Variants in PIK3CG observed in about 807,000 individuals in gnomAD.
PIK3CG encodes phosphatidylinositol 4,5-bisphosphate 3-kinase catalytic subunit gamma isoform.
In PIK3CG, 55 loss-of-function variants were observed where a neutral mutation model predicts 102.3. The ratio of observed to expected loss-of-function variants is 0.54; its 90% CI spans 0.43 to 0.67. The LOEUF (loss-of-function observed/expected upper bound fraction) is 0.67, where lower values mean the gene tolerates loss of function less well. Ranked by LOEUF, PIK3CG falls within the 30% of genes least tolerant of loss-of-function variation. The probability of loss-of-function intolerance (pLI) is 0.00; values close to 1 mark genes in which losing one functional copy is unlikely to be tolerated. For synonymous variants in PIK3CG, 552 were observed against 540.0 expected, an observed-to-expected ratio of 1.02 and a Z score of -0.31; for missense variants, 1,258 against 1,391.8, an observed-to-expected ratio of 0.90 and a Z score of 1.53.
At position 106,868,312 on chromosome 7, in the gene PIK3CG, A is replaced by G. The variant is rs2116436739; in HGVS notation, c.751A>G (p.Lys251Glu). Residue 251 changes from lysine (K) to glutamate (E), a missense_variant, in exon 2 of 11, where the codon AAG becomes GAG. By Grantham distance (56) the Lys-to-Glu change is moderately conservative. This residue lies in a region of PIK3CG where 832 missense variants were observed against 787.5 expected (regional missense o/e 1.06). Transcript: ENST00000496166. This position sits in a 1 kb window ranked among gnomAD's most constrained non-coding sequence, Gnocchi z 6.2. ...PGAILQSFFTKMAKKKSLMDI... is the reference protein window; with the variant it reads ...PGAILQSFFTEMAKKKSLMDI... ...CGCCATCCTGCAGAGCTTCTTCACC[A>G]AGATGGCCAAGAAGAAATCTCTGAT... 1 of 1,614,198 alleles carries G rather than the reference A, an allele frequency of 6.2e-7. No individual in the cohort carries two copies. The highest frequency in any genetic ancestry group is 8.5e-7 in the Non-Finnish European group (1 of 1,180,030).
In PIK3CG at chr7:106,869,285, T is replaced by G; in HGVS notation, c.1724T>G (p.Leu575Arg). 6.2e-7 allele frequency: 1 copy of G among 1,614,204 alleles called. No individual in the cohort carries two copies. The change falls in exon 2 of 11, where the codon CTC becomes CGC. Residue 575 changes from leucine (L) to arginine (R), a missense_variant. Leu to Arg is a moderately radical substitution (Grantham distance 102, BLOSUM62 -2). Transcript: ENST00000496166. The surrounding 1 kb of genome is among the most constrained non-coding windows in gnomAD (Gnocchi z 5.3). ...CTCACAGCAGAGGACAAAGAATTGC[T>G]CTGGCATTTTAGATACGAAAGCCTT... ...NPLTAEDKELLWHFRYESLKH... is the reference protein window; with the variant it reads ...NPLTAEDKELRWHFRYESLKH...
rs1237720802 is a variant in PIK3CG at position 106,867,386 on chromosome 7, C to T, written c.-12-164C>T. Among the ~76,000 whole-genome samples, 1 of 152,152 alleles carries T rather than the reference C, an allele frequency of 6.6e-6. No individual in the cohort carries two copies. Among genetic ancestry groups the T allele is most frequent in the East Asian group, 1.9e-4 (1 of 5,188 alleles). Reference sequence around the variant, plus strand: ...AGGACTCACCGGCCCGACTCCAAAGCCCACGCTCTGAAGGGCTGTAGTGCT... The same window carrying T: ...AGGACTCACCGGCCCGACTCCAAAGTCCACGCTCTGAAGGGCTGTAGTGCT... On this transcript the variant is annotated intron_variant, in intron 1 of 10. Coordinates refer to ENST00000496166, the MANE Select transcript of PIK3CG (RefSeq NM_001282426.2). The surrounding 1 kb of genome is among the most constrained non-coding windows in gnomAD (Gnocchi z 5.1).
At position 106,883,979 on chromosome 7, in the gene PIK3CG, T is replaced by C. The variant is rs187775534; in HGVS notation, c.2761-176T>C. Among the ~76,000 whole-genome samples the C allele has an allele frequency of 4.6e-5, 7 of 152,324 alleles. No homozygotes were observed. The highest frequency in any genetic ancestry group is 1.7e-4 in the African/African-American group (7 of 41,580). ...ATTCACTGAATCTTCACCTAAAATATAAGCAGAGCAATGAGAAAGTTGGCA... is the reference window on the plus strand; with the variant it reads ...ATTCACTGAATCTTCACCTAAAATACAAGCAGAGCAATGAGAAAGTTGGCA... On this transcript the variant is annotated intron_variant, in intron 8 of 10. Transcript: ENST00000496166. This position sits in a 1 kb window ranked among gnomAD's most constrained non-coding sequence, Gnocchi z 5.8.
chr7:106,890,724 A>G lies in PIK3CG; in HGVS notation c.3030+4432A>G, dbSNP rs1791244326. The stretch of plus-strand genomic sequence containing the variant: ...AGTAAGGCTGATTAACATCCATGAG[A>G]TGGTAGTTTGTCATTCTGAATAAAA... On this transcript the variant is annotated intron_variant, in intron 10 of 10. Transcript: ENST00000496166. The surrounding 1 kb of genome is among the most constrained non-coding windows in gnomAD (Gnocchi z 4.2). 6.6e-6 allele frequency among the ~76,000 whole-genome samples: 1 copy of G among 152,342 alleles called. No homozygotes were observed. The highest frequency in any genetic ancestry group is 2.1e-4 in the South Asian group (1 of 4,830).
Position 106,902,961 on chromosome 7 carries a change from G to A in PIK3CG, c.3031-2148G>A, listed in dbSNP as rs1791599890. On this transcript the variant is annotated intron_variant, in intron 10 of 10. Transcript: ENST00000496166. This position sits in a 1 kb window ranked among gnomAD's most constrained non-coding sequence, Gnocchi z 4.3. ...TCCCTTTTTAAATTTAATTCATCTG[G>A]AATTTATTTTTGGTATATCACATGG... is the stretch of plus-strand genomic sequence containing the variant. Among the ~76,000 whole-genome samples the A allele has an allele frequency of 6.6e-6, 1 of 151,682 alleles. No individual in the cohort carries two copies.
rs771794277 is a variant in PIK3CG at position 106,867,780 on chromosome 7, G to A, written c.219G>A (p.Gln73=). ...GHGNVEQMKA[Q]VWLRALETSV... The stretch of plus-strand genomic sequence containing the variant: ...GCAACGTGGAGCAGATGAAGGCCCA[G>A]GTGTGGCTGCGAGCGCTGGAGACCA... The change falls in exon 2 of 11, where the codon CAG becomes CAA. Residue 73 remains glutamine, a synonymous_variant. Coordinates refer to ENST00000496166, the MANE Select transcript of PIK3CG (RefSeq NM_001282426.2). This position sits in a 1 kb window ranked among gnomAD's most constrained non-coding sequence, Gnocchi z 5.1. The A allele has an allele frequency of 7.4e-6, 12 of 1,612,778 alleles. No homozygotes were observed. The African/African-American group carries it at 1.2e-4, about 16-fold the overall frequency.
chr7:106,881,978 C>T (rs760578289), intron 6 of PIK3CG, 139 bp from the exon 7 acceptor site: 3 of 358,082 alleles, frequency 8.4e-6, no homozygotes, highest in Non-Finnish European at 1.5e-5. Flanking sequence ...GACCAATAAA[C>T]GTACAGTTGT....
rs994249084 is a variant in PIK3CG at position 106,893,791 on chromosome 7, G to A, written c.3030+7499G>A. Among the ~76,000 whole-genome samples, 3 of 152,276 alleles carry A rather than the reference G, an allele frequency of 2.0e-5. No homozygotes were observed. In the South Asian group the frequency reaches 6.2e-4, roughly 32 times the overall value. Reference sequence around the variant, plus strand: ...TACATACAGAGAAATGCATCATTAGGCAATTTCGTCATTGTGTAAACATCA... The same window carrying A: ...TACATACAGAGAAATGCATCATTAGACAATTTCGTCATTGTGTAAACATCA... On this transcript the variant is annotated intron_variant, in intron 10 of 10. Transcript: ENST00000496166. The surrounding 1 kb of genome is among the most constrained non-coding windows in gnomAD (Gnocchi z 4.4).
chr7:106,879,444 C>T lies in PIK3CG; in HGVS notation c.2392-75C>T. The T allele has an allele frequency of 1.7e-6, 2 of 1,181,400 alleles. No individual in the cohort carries two copies. Among genetic ancestry groups the T allele is most frequent in the Non-Finnish European group, 2.5e-6 (2 of 795,442 alleles). 73.2% of individuals were successfully genotyped at this position (1,181,400 alleles called of 1,614,324 possible). ...CCTTGTTGTTTATAGTGATGTTTTG[C>T]AAGAGAATTTGTGTCTCCACCATGT... On this transcript the variant is annotated intron_variant, in intron 5 of 10. Coordinates refer to ENST00000496166, the MANE Select transcript of PIK3CG (RefSeq NM_001282426.2). The surrounding 1 kb of genome is among the most constrained non-coding windows in gnomAD (Gnocchi z 4.9).
At chr7:106,873,374 G>T (rs1790608816) in intron 4 of PIK3CG, among the ~76,000 whole-genome samples, 1 of 152,048 alleles carries the variant, frequency 6.6e-6, no homozygotes. Flanking sequence ...GATATATAGA[G>T]ATACATTCAT....
intron 10 of PIK3CG, among the ~76,000 whole-genome samples, chr7:106,904,494 T>G (rs1791639630): frequency 6.6e-6 from 1 of 152,202 alleles, no homozygotes; most frequent in South Asian, 2.1e-4. Flanking sequence ...TATCACCTGC[T>G]CCAAAGCTTT....
In PIK3CG at chr7:106,907,054, GA is replaced by G. The variant is rs1300872481; in HGVS notation, c.*1670del. On this transcript the variant is annotated 3_prime_UTR_variant, in exon 11 of 11. Transcript: ENST00000496166. ...GAGGATTGCCTGAGCCCAGGAGGTG[GA>G]AACTGCAGAGAGTCATGATCATGTC... 1 of 200,510 alleles carries G rather than the reference GA, an allele frequency of 5.0e-6. No individual in the cohort carries two copies. The highest frequency in any genetic ancestry group is 1.0e-5 in the Non-Finnish European group (1 of 97,286). 12.4% of individuals were successfully genotyped at this position (200,510 alleles called of 1,614,324 possible). A position where few individuals can be genotyped will look rare whatever the true frequency, so the allele number is the denominator to read the frequency against.
At chr7:106,886,020 A>G (rs753203608) in intron 9 of PIK3CG, 115 bp from the exon 10 acceptor site, 35 of 898,218 alleles carry the variant, frequency 3.9e-5, no homozygotes, top group Non-Finnish European at 5.9e-5. Flanking sequence ...ACTGACAAAC[A>G]TTGTAAAAAA....
rs1790889103 is a variant in PIK3CG at position 106,880,100 on chromosome 7, A to G, written c.2538+435A>G. Among the ~76,000 whole-genome samples the G allele has an allele frequency of 6.6e-6, 1 of 152,230 alleles. No homozygotes were observed. Among genetic ancestry groups the G allele is most frequent in the Non-Finnish European group, 1.5e-5 (1 of 68,038 alleles). On this transcript the variant is annotated intron_variant, in intron 6 of 10. Transcript: ENST00000496166. This position sits in a 1 kb window ranked among gnomAD's most constrained non-coding sequence, Gnocchi z 4.2. ...GCAAATGATTTTATGGGAAGGAGAAAGATGAACAAGTAGGTCACCACAGAA... is the reference window on the plus strand; with the variant it reads ...GCAAATGATTTTATGGGAAGGAGAAGGATGAACAAGTAGGTCACCACAGAA...
At position 106,867,588 on chromosome 7, in the gene PIK3CG, C is replaced by G. The variant is rs772306261; in HGVS notation, c.27C>G (p.Pro9=). The G allele has an allele frequency of 6.3e-7, 1 of 1,595,772 alleles. No individual in the cohort carries two copies. Among genetic ancestry groups the G allele is most frequent in the Non-Finnish European group, 8.5e-7 (1 of 1,171,582 alleles). Residue 9 remains proline (P), a synonymous_variant, in exon 2 of 11, where the codon CCC becomes CCG. Transcript: ENST00000496166. The surrounding 1 kb of genome is among the most constrained non-coding windows in gnomAD (Gnocchi z 5.1). ...TGGAGCTGGAGAACTATAAACAGCC[C>G]GTGGTGCTGAGAGAGGACAACTGCC... MELENYKQ[P]VVLREDNCRR... is the part of the protein sequence containing the mutation.
At position 106,879,794 on chromosome 7, in the gene PIK3CG, A is replaced by G. The variant is rs1790879594; in HGVS notation, c.2538+129A>G. ...GTGATGAATTGTGATCAAATATTAC[A>G]TCATAGAGAGTTTTCACTTGGGGAA... On this transcript the variant is annotated intron_variant, in intron 6 of 10. Transcript: ENST00000496166. The surrounding 1 kb of genome is among the most constrained non-coding windows in gnomAD (Gnocchi z 4.9). The G allele has an allele frequency of 1.4e-6, 1 of 716,088 alleles. No individual in the cohort carries two copies. Among genetic ancestry groups the G allele is most frequent in the Admixed American group, 2.9e-5 (1 of 34,754 alleles). The allele number at this position is 716,088 out of a possible 1,614,324, so 44.4% of individuals were successfully genotyped here.
chr7:106,868,241 G>A lies in PIK3CG; in HGVS notation c.680G>A (p.Ser227Asn). 1 of 1,613,046 alleles carries A rather than the reference G, an allele frequency of 6.2e-7. No individual in the cohort carries two copies. The highest frequency in any genetic ancestry group is 1.1e-5 in the South Asian group (1 of 91,086). Residue 227 changes from serine to asparagine, a missense_variant, in exon 2 of 11, where the codon AGC becomes AAC. Coordinates refer to ENST00000496166, the MANE Select transcript of PIK3CG (RefSeq NM_001282426.2). This position sits in a 1 kb window ranked among gnomAD's most constrained non-coding sequence, Gnocchi z 6.2. ...TGCATCTTCATCGTCATTCACCGCA[G>A]CACCACCAGCCAGACCATTAAGGTC... The part of the protein sequence containing the change: ...NNCIFIVIHR[S>N]TTSQTIKVSP...
intron 10 of PIK3CG, among the ~76,000 whole-genome samples, chr7:106,889,554 G>A (rs940246206): frequency 2.0e-5 from 3 of 152,182 alleles, no homozygotes; most frequent in Non-Finnish European, 4.4e-5. Context: ...TGAATTAAAG[G>A]TGTCCTCATT....
chr7:106,905,385 T>G lies in PIK3CG; in HGVS notation c.3307T>G (p.Ter1103GluextTer10), dbSNP rs998400966. 2.7e-5 allele frequency: 44 copies of G among 1,611,650 alleles called. No homozygotes were observed. The highest frequency in any genetic ancestry group is 3.6e-5 in the Non-Finnish European group (43 of 1,178,326). Reference sequence around the variant, plus strand: ...CAAACAAGGAGAGAAACATTCAGCCTAATACTTTAGGCTAGAATCAAAAAC... The same window carrying G: ...CAAACAAGGAGAGAAACATTCAGCCGAATACTTTAGGCTAGAATCAAAAAC... ...GIKQGEKHSA[*>E] Residue 1103 changes from the stop codon to glutamate (E), a stop_lost, in exon 11 of 11, where the codon TAA (stop) becomes GAA (glutamate). Transcript: ENST00000496166. This position sits in a 1 kb window ranked among gnomAD's most constrained non-coding sequence, Gnocchi z 5.6.
Sources: gnomAD v4.1 joint callset for allele counts (sites outside exome capture counted in the v4.1 genomes callset) on GRCh38, gnomAD v4.1.1 for gene constraint, gnomAD v4.1.1 regional missense constraint, Gnocchi (gnomAD v3.1) non-coding constraint, MANE v1.5 for transcripts, NCBI Gene and HGNC (gene_info 2026-07-23, HGNC 2026-07-21) for gene names.